Variants in HDAC9 observed in about 807,000 individuals in gnomAD.
HDAC9 encodes the protein histone deacetylase 9, also known as MEF-2 interacting transcription repressor (MITR) protein.
In HDAC9, 41 loss-of-function variants were observed where a neutral mutation model predicts 139.4. That is an observed-to-expected ratio of 0.29 (90% CI 0.23 to 0.38). The LOEUF is 0.38. Among genes scored for constraint, HDAC9 ranks in the 10% least tolerant of loss-of-function variants. HDAC9 has a pLI of 1.00. For missense variants in HDAC9, 1,147 were observed against 1,297.0 expected, an observed-to-expected ratio of 0.88 and a Z score of 1.78; for synonymous variants, 517 against 476.2, an observed-to-expected ratio of 1.09 and a Z score of -1.12.
intron 2 of HDAC9, chr7:18,543,625 A>T (rs984721508): frequency 6.6e-6 from 1 of 152,108 alleles, no homozygotes; most frequent in Non-Finnish European, 1.5e-5. Flanking sequence ...GATACCACTA[A>T]ATGCCAGATG....
intron 25 of HDAC9, among the ~76,000 whole-genome samples, chr7:18,979,810 C>T (rs1182913961): frequency 6.6e-6 from 1 of 152,078 alleles, no homozygotes; most frequent in Admixed American, 6.5e-5. Context: ...AGCCAGATCC[C>T]ATGTGAGCTC....
chr7:18,246,238 G>A (rs999705889), intron 2 of HDAC9, among the ~76,000 whole-genome samples: 2 of 150,792 alleles, frequency 1.3e-5, no homozygotes, highest in African/African-American at 4.9e-5. Context: ...AGATAAGACA[G>A]TGAACAGAGA....
chr7:18,469,313 G>A (rs1435227018), intron 1 of HDAC9, among the ~76,000 whole-genome samples: 3 of 152,012 alleles, frequency 2.0e-5, no homozygotes, highest in Admixed American at 1.3e-4. Context: ...CATTTTCATG[G>A]TCAAATATGG....
chr7:18,591,729 G>A, intron 5 of HDAC9, 87 bp downstream of exon 5: 8 of 1,512,866 alleles, frequency 5.3e-6, no homozygotes, highest in Non-Finnish European at 7.2e-6. Flanking sequence ...TCCTTAGCCT[G>A]CCATTTCTCA....
intron 12 of HDAC9, among the ~76,000 whole-genome samples, chr7:18,717,310 T>C (rs759917923): frequency 1.2e-4 from 18 of 152,118 alleles, no homozygotes; most frequent in Non-Finnish European, 2.4e-4. Context: ...ATGCTATCCA[T>C]AGCTAGGGAG....
rs758915326 is a variant in HDAC9 at position 18,629,375 on chromosome 7, G to A, written c.690G>A (p.Arg230=). 1 of 1,604,974 alleles carries A rather than the reference G, an allele frequency of 6.2e-7. No individual in the cohort carries two copies. Among genetic ancestry groups the A allele is most frequent in the South Asian group, 1.1e-5 (1 of 89,674 alleles). ...KTASEPNLKV[R]SRLKQKVAER... ...CCTCTGAGCCCAACTTGAAGGTGCG[G>A]TCCAGGTTAAAACAGAAAGTGGCAG... The change falls in exon 7 of 26, where the codon CGG becomes CGA. Residue 230 remains arginine, a synonymous_variant. Transcript: ENST00000686413.
At chr7:18,123,484 T>A (rs533269523) in intron 1 of HDAC9, among the ~76,000 whole-genome samples, 5 of 152,274 alleles carry the variant, frequency 3.3e-5, no homozygotes, top group African/African-American at 1.2e-4. Context: ...TATCGTACAA[T>A]TTCTGCTCTA....
chr7:18,993,053 A>G (rs917870321), intron 25 of HDAC9, among the ~76,000 whole-genome samples: 2 of 150,620 alleles, frequency 1.3e-5, no homozygotes, highest in African/African-American at 4.9e-5. Context: ...TCATTCCTCC[A>G]AACACAGCCA....
At chr7:18,683,587 C>G (rs919802629) in intron 12 of HDAC9, among the ~76,000 whole-genome samples, 2 of 152,106 alleles carry the variant, frequency 1.3e-5, no homozygotes, top group African/African-American at 4.8e-5. Context: ...CTTTGAGGAA[C>G]AGCTTCCGCT....
At chr7:18,660,618 G>A (rs573177182) in intron 11 of HDAC9, among the ~76,000 whole-genome samples, 1 of 152,154 alleles carries the variant, frequency 6.6e-6, no homozygotes, top group South Asian at 2.1e-4. Context: ...CAAAGATAGC[G>A]ATATGATGCC....
At chr7:18,970,055 C>G (rs893495263) in intron 24 of HDAC9, among the ~76,000 whole-genome samples, 1 of 152,112 alleles carries the variant, frequency 6.6e-6, no homozygotes, top group African/African-American at 2.4e-5. Flanking sequence ...AAAAATATTG[C>G]AGTATCTTGA....
intron 1 of HDAC9, among the ~76,000 whole-genome samples, chr7:18,373,134 A>T (rs1585440616): frequency 6.6e-6 from 1 of 152,204 alleles, no homozygotes; most frequent in East Asian, 1.9e-4. Context: ...TCATATTTTT[A>T]AAAATATCAA....
chr7:18,250,215 A>C (rs1794831022), intron 2 of HDAC9, among the ~76,000 whole-genome samples: 1 of 152,252 alleles, frequency 6.6e-6, no homozygotes, highest in Admixed American at 6.5e-5. Flanking sequence ...ATGAAGCAGA[A>C]GAGCAAACAG....
chr7:18,422,894 G>GT (rs1789773375), intron 1 of HDAC9, among the ~76,000 whole-genome samples: 1 of 152,010 alleles, frequency 6.6e-6, no homozygotes. Flanking sequence ...ACAGTCCTAA[G>GT]TTTGCATATG....
intron 1 of HDAC9, among the ~76,000 whole-genome samples, chr7:18,397,009 G>C (rs905710944): frequency 1.3e-5 from 2 of 151,914 alleles, no homozygotes; most frequent in African/African-American, 4.8e-5. Context: ...CTGAGTGAGA[G>C]AAATCCACTC....
intron 12 of HDAC9, among the ~76,000 whole-genome samples, chr7:18,677,627 G>A (rs566968632): frequency 2.6e-5 from 4 of 151,902 alleles, no homozygotes; most frequent in East Asian, 1.9e-4. Context: ...CTGCGTTCTT[G>A]TTTACACTTG....
At chr7:18,280,385 C>T (rs1210511276) in intron 2 of HDAC9, among the ~76,000 whole-genome samples, 4 of 152,134 alleles carry the variant, frequency 2.6e-5, no homozygotes, top group Non-Finnish European at 2.9e-5. Flanking sequence ...GTCAGGGGTT[C>T]GAGAACAGCC....
chr7:18,736,617 G>C (rs1786927407), intron 13 of HDAC9, among the ~76,000 whole-genome samples: 1 of 152,300 alleles, frequency 6.6e-6, no homozygotes, highest in African/African-American at 2.4e-5. Flanking sequence ...TTTTTGATAT[G>C]CTGCTGGATT....
intron 1 of HDAC9, among the ~76,000 whole-genome samples, chr7:18,377,857 T>C (rs1004387302): frequency 3.3e-5 from 5 of 152,172 alleles, no homozygotes; most frequent in African/African-American, 1.2e-4. Context: ...TTTTTATTAT[T>C]TTTCCTTTTG....
Sources: gnomAD v4.1 joint callset for allele counts (sites outside exome capture counted in the v4.1 genomes callset) on GRCh38, gnomAD v4.1.1 for gene constraint, MANE v1.5 for transcripts, NCBI Gene and HGNC (gene_info 2026-07-23, HGNC 2026-07-21) for gene names.